Variants in EYA1 observed in about 807,000 individuals in gnomAD.
EYA1 encodes protein phosphatase EYA1.
EYA1 carries 16 observed loss-of-function variants against 82.0 expected under a neutral mutation model. That is an observed-to-expected ratio of 0.20 (90% CI 0.13 to 0.30). The LOEUF (loss-of-function observed/expected upper bound fraction) is 0.30, where lower values mean the gene tolerates loss of function less well. Among genes scored for constraint, EYA1 ranks in the 10% least tolerant of loss-of-function variants. The probability of loss-of-function intolerance (pLI) is 1.00; values close to 1 mark genes in which losing one functional copy is unlikely to be tolerated. For missense variants in EYA1, 633 were observed against 730.7 expected (o/e 0.87, Z 1.54); for synonymous variants, 261 against 264.4 (o/e 0.99, Z 0.12).
chr8:71,211,127 G>A (rs747802480), intron 17 of EYA1, 29 bp downstream of exon 17: 3 of 1,405,746 alleles, frequency 2.1e-6, no homozygotes, highest in Non-Finnish European at 3.0e-6. Flanking sequence ...AAACAAATGA[G>A]ACAAGATGCA....
At chr8:71,482,275 A>G (rs942932543) in intron 2 of EYA1, among the ~76,000 whole-genome samples, 36 of 152,340 alleles carry the variant, frequency 2.4e-4, no homozygotes, top group Admixed American at 2.4e-3. Context: ...TCAAATGGCT[A>G]AAAAGCATAC....
At chr8:71,411,811 G>A (rs1030696101) in intron 2 of EYA1, among the ~76,000 whole-genome samples, 2 of 146,308 alleles carry the variant, frequency 1.4e-5, no homozygotes, top group African/African-American at 2.6e-5. Flanking sequence ...CATTGTGGAA[G>A]TCAGTGTGGC....
chr8:71,499,872 GC>G (rs1811687991), intron 2 of EYA1, among the ~76,000 whole-genome samples: 4 of 152,138 alleles, frequency 2.6e-5, no homozygotes, highest in Non-Finnish European at 5.9e-5. Context: ...CCAGAAAGGC[GC>G]AAGAAAACAG....
At chr8:71,327,181 T>C (rs549528614) in intron 4 of EYA1, among the ~76,000 whole-genome samples, 5 of 152,376 alleles carry the variant, frequency 3.3e-5, no homozygotes, top group Admixed American at 6.5e-5. Flanking sequence ...GCAGAGACCC[T>C]GTCTACCACT....
chr8:71,401,765 G>T (rs983857895), intron 2 of EYA1, among the ~76,000 whole-genome samples: 1 of 152,192 alleles, frequency 6.6e-6, no homozygotes, highest in Non-Finnish European at 1.5e-5. Context: ...CATTGAGAAA[G>T]CTTTCGATAA....
chr8:71,376,640 T>C (rs1002992805), intron 2 of EYA1, among the ~76,000 whole-genome samples: 1 of 152,014 alleles, frequency 6.6e-6, no homozygotes, highest in African/African-American at 2.4e-5. Flanking sequence ...TTAGAGTCAA[T>C]AGGAGTTGTA....
At chr8:71,269,088 C>CA (rs1344747357) in intron 11 of EYA1, among the ~76,000 whole-genome samples, 1 of 151,958 alleles carries the variant, frequency 6.6e-6, no homozygotes, top group Non-Finnish European at 1.5e-5. Flanking sequence ...ATCAATATGC[C>CA]AAAAAAGAAA....
intron 10 of EYA1, 38 bp downstream of exon 10, chr8:71,271,720 A>T: frequency 6.2e-7 from 1 of 1,613,832 alleles, no homozygotes; most frequent in Non-Finnish European, 8.5e-7. Context: ...AGCTATTAAG[A>T]CACCTTTCTA....
chr8:71,491,078 G>A (rs1174197030), intron 2 of EYA1, among the ~76,000 whole-genome samples: 1 of 152,062 alleles, frequency 6.6e-6, no homozygotes, highest in Non-Finnish European at 1.5e-5. Flanking sequence ...AGAAACCCAA[G>A]CAGTCTTCTG....
intron 1 of EYA1, among the ~76,000 whole-genome samples, chr8:71,539,162 A>G (rs1814946158): frequency 2.0e-5 from 3 of 152,092 alleles, no homozygotes; most frequent in Admixed American, 2.0e-4. Flanking sequence ...TATTCACCCT[A>G]AGCATAGAGG....
intron 2 of EYA1, among the ~76,000 whole-genome samples, chr8:71,501,840 C>T (rs1475450065): frequency 1.3e-5 from 2 of 152,202 alleles, no homozygotes; most frequent in South Asian, 2.1e-4. Context: ...AGACACACTT[C>T]GTATAATTCT....
chr8:71,265,522 A>C (rs528979177), intron 11 of EYA1, among the ~76,000 whole-genome samples: 1 of 152,366 alleles, frequency 6.6e-6, no homozygotes, highest in South Asian at 2.1e-4. Flanking sequence ...ACATTAAACA[A>C]TAAAAAGATA....
intron 2 of EYA1, among the ~76,000 whole-genome samples, chr8:71,437,116 A>G (rs1402283312): frequency 1.3e-5 from 2 of 149,816 alleles, no homozygotes; most frequent in Non-Finnish European, 3.0e-5. Flanking sequence ...TTTTATAGAT[A>G]TACATAGTTT....
chr8:71,253,654 T>C (rs1814024584), intron 11 of EYA1, among the ~76,000 whole-genome samples: 1 of 152,196 alleles, frequency 6.6e-6, no homozygotes, highest in African/African-American at 2.4e-5. Flanking sequence ...CCACCAAGCA[T>C]AGCTATAGAC....
At chr8:71,405,753 A>G (rs1830184248) in intron 2 of EYA1, among the ~76,000 whole-genome samples, 1 of 152,094 alleles carries the variant, frequency 6.6e-6, no homozygotes, top group Non-Finnish European at 1.5e-5. Context: ...AGCATGTGCA[A>G]CCTTTCCATA....
chr8:71,211,089 C>T (rs1808446873), intron 17 of EYA1, 67 bp downstream of exon 17: 1 of 958,510 alleles, frequency 1.0e-6, no homozygotes, highest in African/African-American at 1.6e-5. Flanking sequence ...TTTAAATGAT[C>T]CAGTTATGAG....
Position 71,362,013 on chromosome 8 carries a change from C to CA in EYA1, c.-422dup. The CA allele has an allele frequency of 1.0e-6, 1 of 985,496 alleles. No homozygotes were observed. Among genetic ancestry groups the CA allele is most frequent in the Non-Finnish European group, 1.2e-6 (1 of 829,974 alleles). The allele number at this position is 985,496 out of a possible 1,614,324, so 61.0% of individuals were successfully genotyped here. ...CAGCTCCCACCGTTCTGTTTGGTAA[C>CA]AGCTTTGCGCCCAGCGCTCCTTCCC... On this transcript the variant is annotated 5_prime_UTR_variant, in exon 1 of 18. An upstream open reading frame in the 5' UTR loses its in-frame stop. Transcript: ENST00000340726.
At chr8:71,487,214 C>T (rs1810639234) in intron 2 of EYA1, among the ~76,000 whole-genome samples, 2 of 151,952 alleles carry the variant, frequency 1.3e-5, no homozygotes, top group South Asian at 4.2e-4. Flanking sequence ...ATGTAGCTCA[C>T]ATATTATTTA....
chr8:71,338,049 A>G (rs1316443155), intron 3 of EYA1, among the ~76,000 whole-genome samples: 1 of 152,230 alleles, frequency 6.6e-6, no homozygotes, highest in Admixed American at 6.5e-5. Flanking sequence ...CTCTATCACT[A>G]TAGTGTCTCT....
Sources: gnomAD v4.1 joint callset for allele counts (sites outside exome capture counted in the v4.1 genomes callset) on GRCh38, gnomAD v4.1.1 for gene constraint, MANE v1.5 for transcripts, NCBI Gene and HGNC (gene_info 2026-07-23, HGNC 2026-07-21) for gene names.